Variants in CNMD observed in about 807,000 individuals in gnomAD.
The protein encoded by CNMD is leukocyte cell-derived chemotaxin 1.
Under a neutral mutation model 37.5 loss-of-function variants are expected in CNMD, and 30 were observed. The observed-to-expected ratio is 0.80, with a 90% CI of 0.60 to 1.09. The LOEUF (loss-of-function observed/expected upper bound fraction) is 1.09. Among genes scored for constraint, CNMD ranks in the 50% least tolerant of loss-of-function variants. The probability of loss-of-function intolerance (pLI) is 0.00; values close to 1 mark genes in which losing one functional copy is unlikely to be tolerated. For synonymous variants in CNMD, 167 were observed against 148.2 expected, an observed-to-expected ratio of 1.13 and a Z score of -0.92; for missense variants, 398 against 423.9, an observed-to-expected ratio of 0.94 and a Z score of 0.54.
chr13:52,739,072 C>T lies in CNMD; in HGVS notation c.172G>A (p.Ala58Thr). ...ISGAVLLLFG[A>T]IGAFYFWKGS... ...TTCCAGAAGTAGAAGGCCCCGATGG[C>T]CCCAAAGAGCAGCAGCACAGCTCCC... Residue 58 changes from alanine to threonine, a missense_variant, in exon 2 of 7, where the codon GCC becomes ACC. Coordinates refer to ENST00000377962, the MANE Select transcript of CNMD (RefSeq NM_007015.3). This position sits in a 1 kb window ranked among gnomAD's most constrained non-coding sequence, Gnocchi z 5.4. 6.3e-7 allele frequency: 1 copy of T among 1,581,914 alleles called. No individual in the cohort carries two copies. Among genetic ancestry groups the T allele is most frequent in the Non-Finnish European group, 8.6e-7 (1 of 1,167,108 alleles).
intron 3 of CNMD, 117 bp downstream of exon 3, chr13:52,733,102 C>T (rs777269913): frequency 1.0e-6 from 1 of 987,122 alleles, no homozygotes; most frequent in Non-Finnish European, 1.6e-6. Context: ...GGCACTACAA[C>T]TGCTATAAAG....
In CNMD at chr13:52,712,336, C is replaced by T. The variant is rs191712771; in HGVS notation, c.622+380G>A. 4.6e-5 allele frequency among the ~76,000 whole-genome samples: 7 copies of T among 152,148 alleles called. No homozygotes were observed. In the East Asian group the frequency reaches 9.7e-4, roughly 21 times the overall value. On this transcript the variant is annotated intron_variant, in intron 5 of 6. Coordinates refer to ENST00000377962, the MANE Select transcript of CNMD (RefSeq NM_007015.3). ...AGGTTTGAACACAATAAAGACTCGGCGGTATGACAGTTTCTTAGTCCCTTG... is the reference window on the plus strand; with the variant it reads ...AGGTTTGAACACAATAAAGACTCGGTGGTATGACAGTTTCTTAGTCCCTTG...
Position 52,739,571 on chromosome 13 carries a change from G to T in CNMD, c.72+59C>A. ...TGGCACGCACCCCTGAGTCCGAACTGTGGAACCTGATACTCACACAACCCA... is the reference window on the plus strand; with the variant it reads ...TGGCACGCACCCCTGAGTCCGAACTTTGGAACCTGATACTCACACAACCCA... On this transcript the variant is annotated intron_variant, in intron 1 of 6. Coordinates refer to ENST00000377962, the MANE Select transcript of CNMD (RefSeq NM_007015.3). This position sits in a 1 kb window ranked among gnomAD's most constrained non-coding sequence, Gnocchi z 5.4. The T allele has an allele frequency of 6.7e-7, 1 of 1,487,098 alleles. No individual in the cohort carries two copies. The highest frequency in any genetic ancestry group is 9.4e-7 in the Non-Finnish European group (1 of 1,064,972). The allele number at this position is 1,487,098 out of a possible 1,614,324, so 92.1% of individuals were successfully genotyped here. A position where few individuals can be genotyped will look rare whatever the true frequency, so the allele number is the denominator to read the frequency against.
chr13:52,739,641 A>C lies in CNMD; in HGVS notation c.61T>G (p.Cys21Gly). The change falls in exon 1 of 7, where the codon TGC becomes GGC. Residue 21 changes from cysteine to glycine, a missense_variant. Transcript: ENST00000377962. This position sits in a 1 kb window ranked among gnomAD's most constrained non-coding sequence, Gnocchi z 5.4. ...ALVGPDDVEF[C>G]SPPAYATLTV... ...CTGGCGGTACTCACCGGGGGGCTGC[A>C]GAATTCCACGTCATCAGGTCCCACC... is the stretch of plus-strand genomic sequence containing the variant. 6.2e-7 allele frequency: 1 copy of C among 1,614,096 alleles called. No homozygotes were observed. Among genetic ancestry groups the C allele is most frequent in the Non-Finnish European group, 8.5e-7 (1 of 1,179,924 alleles).
intron 4 of CNMD, among the ~76,000 whole-genome samples, 194 bp from the exon 5 acceptor site, chr13:52,713,063 C>T (rs2138230681): frequency 6.6e-6 from 1 of 152,278 alleles, no homozygotes; most frequent in South Asian, 2.1e-4. Context: ...CAGCACGCCT[C>T]CTCCTGTTGC....
At position 52,739,154 on chromosome 13, in the gene CNMD, C is replaced by T. The variant is rs752341495; in HGVS notation, c.90G>A (p.Thr30=). The change falls in exon 2 of 7, where the codon ACG becomes ACA. Residue 30 remains threonine (T), a synonymous_variant. Coordinates refer to ENST00000377962, the MANE Select transcript of CNMD (RefSeq NM_007015.3). This position sits in a 1 kb window ranked among gnomAD's most constrained non-coding sequence, Gnocchi z 5.4. ...FCSPPAYATL[T]VKPSSPARLL... is the part of the protein sequence containing the mutation. ...GCCGCGCGGGGCTGGAGGGCTTCAC[C>T]GTCAGCGTAGCGTACGCCTGCGGGC... 6.6e-6 allele frequency: 10 copies of T among 1,523,180 alleles called. No individual in the cohort carries two copies. The highest frequency in any genetic ancestry group is 2.6e-5 in the East Asian group (1 of 37,888). The allele number at this position is 1,523,180 out of a possible 1,614,324, so 94.4% of individuals were successfully genotyped here.
chr13:52,705,620 G>GT (rs1221377917), intron 6 of CNMD, among the ~76,000 whole-genome samples: 2 of 152,176 alleles, frequency 1.3e-5, no homozygotes, highest in East Asian at 3.8e-4. Context: ...GGATTGAAAG[G>GT]TTGGGAGGAA....
chr13:52,707,813 C>A (rs1964210940), intron 6 of CNMD, among the ~76,000 whole-genome samples: 1 of 152,014 alleles, frequency 6.6e-6, no homozygotes, highest in Non-Finnish European at 1.5e-5. Flanking sequence ...TAATTATAAA[C>A]CTTGCAAAAG....
chr13:52,735,483 A>C (rs773897837), intron 2 of CNMD, among the ~76,000 whole-genome samples: 2 of 152,160 alleles, frequency 1.3e-5, no homozygotes, highest in Non-Finnish European at 2.9e-5. Context: ...TTGTCACACT[A>C]GAAGAGTGGC....
At chr13:52,718,860 A>C (rs988555766) in intron 4 of CNMD, among the ~76,000 whole-genome samples, 1 of 152,302 alleles carries the variant, frequency 6.6e-6, no homozygotes, top group East Asian at 1.9e-4. Flanking sequence ...TCCAGAGCTG[A>C]GTTCAAGTCC....
intron 4 of CNMD, among the ~76,000 whole-genome samples, chr13:52,718,154 C>T (rs773767909): frequency 1.1e-4 from 17 of 151,918 alleles, no homozygotes; most frequent in Non-Finnish European, 1.8e-4. Context: ...CATTATCTGA[C>T]GGTAGTTTGT....
chr13:52,729,281 G>C (rs770355256), intron 3 of CNMD, among the ~76,000 whole-genome samples: 1 of 152,174 alleles, frequency 6.6e-6, no homozygotes, highest in Non-Finnish European at 1.5e-5. Flanking sequence ...AGGGATGTCA[G>C]GTCCTGCAGA....
chr13:52,728,855 G>A (rs1308867455), intron 3 of CNMD, among the ~76,000 whole-genome samples: 3 of 152,126 alleles, frequency 2.0e-5, no homozygotes, highest in African/African-American at 7.2e-5. Context: ...TAGGAAGTGT[G>A]GGAAAGAATT....
chr13:52,725,242 T>C (rs2138257127), intron 3 of CNMD, among the ~76,000 whole-genome samples: 1 of 152,330 alleles, frequency 6.6e-6, no homozygotes, highest in African/African-American at 2.4e-5. Flanking sequence ...CTTCTTGAGA[T>C]CAGTATTTGA....
At chr13:52,726,839 CAAAG>C (rs1034157556) in intron 3 of CNMD, among the ~76,000 whole-genome samples, 3 of 151,668 alleles carry the variant, frequency 2.0e-5, no homozygotes, top group Admixed American at 1.3e-4. Context: ...AAAAACATGA[CAAAG>C]AAATCAGAAA....
chr13:52,728,620 G>A (rs1964614366), intron 3 of CNMD, among the ~76,000 whole-genome samples: 5 of 152,306 alleles, frequency 3.3e-5, no homozygotes, highest in Admixed American at 2.6e-4. Context: ...TTGAAAAACA[G>A]AAGGCAGGGA....
intron 2 of CNMD, among the ~76,000 whole-genome samples, chr13:52,735,819 C>T (rs140006888): frequency 6.8e-6 from 1 of 147,418 alleles, no homozygotes; most frequent in Non-Finnish European, 1.5e-5. Flanking sequence ...TGTGCAGCTG[C>T]GGCCCACCTT....
Position 52,709,692 on chromosome 13 carries a change from G to T in CNMD, c.623-990C>A, listed in dbSNP as rs991353499. ...TGGCTGCCAATTAACCAAAATACAG[G>T]CCAGGAGCAGTAGCTCATGCCTGTA... On this transcript the variant is annotated intron_variant, in intron 5 of 6. Coordinates refer to ENST00000377962, the MANE Select transcript of CNMD (RefSeq NM_007015.3). Among the ~76,000 whole-genome samples, 4 of 152,200 alleles carry T rather than the reference G, an allele frequency of 2.6e-5. No homozygotes were observed. In the East Asian group the frequency reaches 7.7e-4, roughly 29 times the overall value.
rs954676160 is a variant in CNMD, at chr13:52,739,478, G to T, written c.72+152C>A. On this transcript the variant is annotated intron_variant, in intron 1 of 6. Coordinates refer to ENST00000377962, the MANE Select transcript of CNMD (RefSeq NM_007015.3). The surrounding 1 kb of genome is among the most constrained non-coding windows in gnomAD (Gnocchi z 5.4). ...TGCCGTGACCCCTGCACACTCATAC[G>T]CGTGGGGCGACATCCCACCCACACA... The T allele has an allele frequency of 6.7e-6, 5 of 742,736 alleles. No individual in the cohort carries two copies. The highest frequency in any genetic ancestry group is 9.2e-6 in the Non-Finnish European group (4 of 433,838). The allele number at this position is 742,736 out of a possible 1,614,324, so 46.0% of individuals were successfully genotyped here.
Sources: allele counts gnomAD v4.1 joint callset (sites outside exome capture counted in the v4.1 genomes callset), GRCh38; gene constraint gnomAD v4.1.1; non-coding constraint Gnocchi (gnomAD v3.1); transcripts MANE v1.5; gene names NCBI Gene and HGNC (gene_info 2026-07-23, HGNC 2026-07-21).